The following ADCY8 variants were observed in gnomAD, a reference collection of about 807,000 sequenced individuals.
The protein encoded by ADCY8 is adenylate cyclase type 8.
In ADCY8, 51 loss-of-function variants were observed where a neutral mutation model predicts 119.7. The ratio of observed to expected loss-of-function variants is 0.43; its 90% confidence interval spans 0.34 to 0.54. The LOEUF (loss-of-function observed/expected upper bound fraction) is 0.54, where lower values mean the gene tolerates loss of function less well. ADCY8 is among the 20% of genes least tolerant of loss of function. ADCY8 has a pLI of 0.03. For missense variants in ADCY8, 1,383 were observed against 1,598.8 expected (o/e 0.87, Z 2.30); for synonymous variants, 665 against 651.0 (o/e 1.02, Z -0.33).
chr8:130,880,727 G>A (rs1818739278), intron 8 of ADCY8, among the ~76,000 whole-genome samples: 1 of 152,116 alleles, frequency 6.6e-6, no homozygotes, highest in Non-Finnish European at 1.5e-5. Flanking sequence ...CCAAGCCTTG[G>A]GTCACATGAC....
chr8:130,846,886 C>CTT (rs1168490887), intron 11 of ADCY8, among the ~76,000 whole-genome samples: 798 of 14,094 alleles, frequency 0.057, 80 homozygotes, highest in African/African-American at 0.1. Flanking sequence ...CCTTCCCTTC[C>CTT]CTTTCCTTCC....
At chr8:131,014,083 A>G (rs890503841) in intron 1 of ADCY8, among the ~76,000 whole-genome samples, 3 of 152,222 alleles carry the variant, frequency 2.0e-5, no homozygotes, top group African/African-American at 7.2e-5. Context: ...GCTGAGACCA[A>G]TCAAGTGGTC....
chr8:130,792,232 TC>T (rs1284536042), intron 15 of ADCY8, among the ~76,000 whole-genome samples: 2 of 152,170 alleles, frequency 1.3e-5, no homozygotes, highest in African/African-American at 4.8e-5. Flanking sequence ...TACTTCCACT[TC>T]ACTGGTGATG....
At chr8:130,801,126 G>A (rs1815763796) in intron 14 of ADCY8, among the ~76,000 whole-genome samples, 1 of 152,192 alleles carries the variant, frequency 6.6e-6, no homozygotes, top group African/African-American at 2.4e-5. Context: ...GGAATGTGAT[G>A]ACTGAAAATT....
chr8:130,891,408 T>C (rs1277478353), intron 7 of ADCY8, among the ~76,000 whole-genome samples: 3 of 152,144 alleles, frequency 2.0e-5, no homozygotes, highest in South Asian at 2.1e-4. Context: ...AAAAGAGTCA[T>C]TTTGTGTTCT....
intron 7 of ADCY8, among the ~76,000 whole-genome samples, chr8:130,901,889 A>T (rs576353841): frequency 6.6e-6 from 1 of 152,296 alleles, no homozygotes; most frequent in Non-Finnish European, 1.5e-5. Context: ...TCTAGCTAAT[A>T]ATGACATCTC....
intron 13 of ADCY8, among the ~76,000 whole-genome samples, chr8:130,814,680 C>A (rs1586440908): frequency 2.0e-5 from 3 of 152,320 alleles, no homozygotes; most frequent in East Asian, 3.9e-4. Flanking sequence ...TCTTACATGG[C>A]AGCAGGCAAG....
intron 2 of ADCY8, among the ~76,000 whole-genome samples, chr8:130,987,775 T>G (rs1039487205): frequency 6.6e-6 from 1 of 152,164 alleles, no homozygotes; most frequent in South Asian, 2.1e-4. Flanking sequence ...TTAAAAGATA[T>G]GAATGGGACC....
chr8:131,029,367 C>T (rs530627416), intron 1 of ADCY8, among the ~76,000 whole-genome samples: 5 of 152,282 alleles, frequency 3.3e-5, no homozygotes, highest in Admixed American at 3.3e-4. Context: ...AAATCATCCC[C>T]CACCCATGTC....
intron 1 of ADCY8, among the ~76,000 whole-genome samples, chr8:131,004,393 A>C (rs937669278): frequency 6.6e-6 from 1 of 152,158 alleles, no homozygotes; most frequent in South Asian, 2.1e-4. Flanking sequence ...TTTTTCTGGC[A>C]TGCTCTTTCT....
intron 3 of ADCY8, among the ~76,000 whole-genome samples, chr8:130,945,977 C>T (rs907316031): frequency 1.3e-5 from 2 of 152,182 alleles, no homozygotes; most frequent in African/African-American, 4.8e-5. Context: ...GGAAGCCTGG[C>T]TCTGGCATCC....
chr8:130,816,490 A>G (rs977103627), intron 13 of ADCY8, among the ~76,000 whole-genome samples: 1 of 139,288 alleles, frequency 7.2e-6, no homozygotes, highest in Non-Finnish European at 1.5e-5. Context: ...CAGTGGCACT[A>G]TCTCAGCTCA....
At chr8:130,962,754 G>C (rs1821642462) in intron 2 of ADCY8, among the ~76,000 whole-genome samples, 1 of 152,234 alleles carries the variant, frequency 6.6e-6, no homozygotes, top group Non-Finnish European at 1.5e-5. Flanking sequence ...AACAGCTTCA[G>C]GAAGAGCTTG....
chr8:130,974,580 T>C (rs1037638086), intron 2 of ADCY8, among the ~76,000 whole-genome samples: 2 of 152,216 alleles, frequency 1.3e-5, no homozygotes, highest in Admixed American at 1.3e-4. Context: ...GTTTTATATA[T>C]GCCTGTATGC....
At chr8:130,920,320 C>T (rs1820261816) in intron 5 of ADCY8, among the ~76,000 whole-genome samples, 1 of 151,992 alleles carries the variant, frequency 6.6e-6, no homozygotes, top group African/African-American at 2.4e-5. Flanking sequence ...AAACAGTGTG[C>T]CAGGGACACT....
At chr8:131,037,188 T>A (rs1824183683) in intron 1 of ADCY8, among the ~76,000 whole-genome samples, 1 of 152,200 alleles carries the variant, frequency 6.6e-6, no homozygotes, top group Non-Finnish European at 1.5e-5. Flanking sequence ...TGACTCAACC[T>A]ATGAAATCGT....
At chr8:130,816,999 A>G (rs75079608) in intron 13 of ADCY8, among the ~76,000 whole-genome samples, 6,142 of 152,302 alleles carry the variant, frequency 0.04, 407 homozygotes, top group African/African-American at 0.14. Flanking sequence ...GAGGAACTAT[A>G]TCAGATGTCC....
At chr8:130,947,628 T>G (rs1821143562) in intron 3 of ADCY8, among the ~76,000 whole-genome samples, 1 of 152,116 alleles carries the variant, frequency 6.6e-6, no homozygotes, top group South Asian at 2.1e-4. Context: ...TAACAGCCAG[T>G]CAAGAAAGTG....
intron 6 of ADCY8, among the ~76,000 whole-genome samples, chr8:130,905,458 C>A (rs1302352408): frequency 1.3e-5 from 2 of 152,224 alleles, no homozygotes; most frequent in South Asian, 2.1e-4. Context: ...GCTCAAAAGT[C>A]ATCTTCCTAA....
Sources: gnomAD v4.1 joint callset for allele counts (sites outside exome capture counted in the v4.1 genomes callset) on GRCh38, gnomAD v4.1.1 for gene constraint, MANE v1.5 for transcripts, NCBI Gene and HGNC (gene_info 2026-07-23, HGNC 2026-07-21) for gene names.